Variants in TRPM3 observed in about 807,000 individuals in gnomAD.
TRPM3 encodes long transient receptor potential channel 3.
In TRPM3, 77 loss-of-function variants were observed where a neutral mutation model predicts 181.2. The observed-to-expected ratio is 0.42, with a 90% CI of 0.35 to 0.51. The LOEUF is 0.51. TRPM3 is among the 20% of genes least tolerant of loss of function. The pLI is 0.01. For missense variants in TRPM3, 1,759 were observed against 2,196.7 expected, an observed-to-expected ratio of 0.80 and a Z score of 3.98; for synonymous variants, 745 against 796.4, an observed-to-expected ratio of 0.94 and a Z score of 1.09.
intron 1 of TRPM3, among the ~76,000 whole-genome samples, chr9:71,268,907 T>G (rs57535377): frequency 0.038 from 5,843 of 152,042 alleles, 388 homozygotes; most frequent in African/African-American, 0.13. Flanking sequence ...GCACTAAACT[T>G]TGACAAAGAA....
At chr9:71,017,232 G>T (rs1224946295) in intron 1 of TRPM3, among the ~76,000 whole-genome samples, 1 of 151,872 alleles carries the variant, frequency 6.6e-6, no homozygotes, top group Non-Finnish European at 1.5e-5. Context: ...TTTGGAGAAA[G>T]ATTAACCTTT....
At chr9:71,294,298 A>G (rs1565432598) in intron 1 of TRPM3, among the ~76,000 whole-genome samples, 5 of 152,030 alleles carry the variant, frequency 3.3e-5, no homozygotes, top group Admixed American at 3.3e-4. Flanking sequence ...AAAAACAAAA[A>G]ATCTAATAGA....
intron 1 of TRPM3, among the ~76,000 whole-genome samples, chr9:70,916,126 CT>C (rs751824313): frequency 6.6e-6 from 1 of 152,116 alleles, no homozygotes; most frequent in Non-Finnish European, 1.5e-5. Context: ...AGCTTTCACC[CT>C]AGAATAGTAT....
intron 1 of TRPM3, among the ~76,000 whole-genome samples, chr9:70,999,122 G>A (rs1165832462): frequency 6.6e-6 from 1 of 152,158 alleles, no homozygotes; most frequent in East Asian, 1.9e-4. Flanking sequence ...ATAGAAGAGA[G>A]CACACTGGGA....
chr9:70,760,089 C>T (rs4745035), intron 8 of TRPM3, among the ~76,000 whole-genome samples: 100,113 of 151,866 alleles, frequency 0.66, 34,030 homozygotes, highest in Non-Finnish European at 0.75. Context: ...GCAGAGACCA[C>T]GATTAAACAA....
chr9:71,059,726 C>T (rs1054411292), intron 1 of TRPM3, among the ~76,000 whole-genome samples: 3 of 152,050 alleles, frequency 2.0e-5, no homozygotes, highest in Non-Finnish European at 4.4e-5. Context: ...ACTGAAGCAT[C>T]AATTCCTGTC....
At chr9:71,001,692 A>G (rs777534455) in intron 1 of TRPM3, among the ~76,000 whole-genome samples, 1 of 152,334 alleles carries the variant, frequency 6.6e-6, no homozygotes. Flanking sequence ...CAAAGAGAAA[A>G]TCACTGTAAC....
At chr9:71,337,110 A>G (rs1022363855) in intron 1 of TRPM3, among the ~76,000 whole-genome samples, 1 of 152,210 alleles carries the variant, frequency 6.6e-6, no homozygotes, top group Non-Finnish European at 1.5e-5. Context: ...AATGGGGTCT[A>G]ATTAAACTAA....
chr9:70,561,026 T>C (rs886070255), intron 22 of TRPM3, among the ~76,000 whole-genome samples: 5 of 152,198 alleles, frequency 3.3e-5, no homozygotes, highest in African/African-American at 7.2e-5. Context: ...CTTAAAAATA[T>C]GGCAAAAAAG....
At chr9:71,129,400 AATAG>A (rs1205294750) in intron 1 of TRPM3, among the ~76,000 whole-genome samples, 1 of 152,216 alleles carries the variant, frequency 6.6e-6, no homozygotes, top group Non-Finnish European at 1.5e-5. Context: ...TTATTTTTAA[AATAG>A]ATAGTGGCTA....
chr9:70,554,914 G>T (rs748268073), intron 22 of TRPM3, among the ~76,000 whole-genome samples: 16 of 152,000 alleles, frequency 1.1e-4, no homozygotes, highest in Admixed American at 5.2e-4. Flanking sequence ...TTGCAGTTGT[G>T]GCACTAAACA....
chr9:70,529,580 T>A lies in TRPM3; in HGVS notation c.*6373A>T, dbSNP rs1753233097. The A allele has an allele frequency of 6.6e-6, 1 of 152,152 alleles. No homozygotes were observed. Among genetic ancestry groups the A allele is most frequent in the South Asian group, 2.1e-4 (1 of 4,824 alleles). 9.4% of individuals were successfully genotyped at this position (152,152 alleles called of 1,614,324 possible). A position where few individuals can be genotyped will look rare whatever the true frequency, so the allele number is the denominator to read the frequency against. The stretch of plus-strand genomic sequence containing the variant: ...CATGCTATGGTACTCTTCTTCTGAA[T>A]CTCTCTCACAAAGACTCTGTGTTCA... On this transcript the variant is annotated 3_prime_UTR_variant, in exon 26 of 26. Coordinates refer to ENST00000677713, the MANE Select transcript of TRPM3 (RefSeq NM_001366145.2).
intron 6 of TRPM3, among the ~76,000 whole-genome samples, chr9:70,810,363 G>A (rs577475014): frequency 1.4e-4 from 21 of 145,168 alleles, no homozygotes; most frequent in African/African-American, 5.2e-4. Flanking sequence ...ATGGATACAC[G>A]ATCAGGAGGT....
chr9:71,404,455 T>C (rs1020230219), intron 1 of TRPM3, among the ~76,000 whole-genome samples: 2 of 152,222 alleles, frequency 1.3e-5, no homozygotes, highest in Admixed American at 6.6e-5. Flanking sequence ...TCTCTCTTTT[T>C]TCTATAATTC....
intron 1 of TRPM3, among the ~76,000 whole-genome samples, chr9:71,331,265 T>C (rs1227283669): frequency 1.3e-5 from 2 of 151,918 alleles, no homozygotes; most frequent in Admixed American, 6.6e-5. Context: ...AGTTAGATTG[T>C]GAAATCTGAA....
intron 1 of TRPM3, among the ~76,000 whole-genome samples, chr9:71,017,381 G>T (rs2097793139): frequency 6.6e-6 from 1 of 151,778 alleles, no homozygotes; most frequent in East Asian, 1.9e-4. Flanking sequence ...AAAATTAAAA[G>T]ACCAATATTG....
intron 1 of TRPM3, among the ~76,000 whole-genome samples, chr9:71,136,246 T>TA (rs1225425410): frequency 4.6e-5 from 7 of 152,354 alleles, no homozygotes; most frequent in Admixed American, 1.3e-4. Context: ...ATCAATTATG[T>TA]AGCTAGTGGC....
At chr9:71,406,243 G>C (rs1332931493) in intron 1 of TRPM3, among the ~76,000 whole-genome samples, 2 of 152,182 alleles carry the variant, frequency 1.3e-5, no homozygotes, top group Non-Finnish European at 2.9e-5. Flanking sequence ...TTTGTCAAAT[G>C]AAAGAGTCAA....
At chr9:71,118,365 T>C (rs747995480) in intron 1 of TRPM3, among the ~76,000 whole-genome samples, 9 of 152,218 alleles carry the variant, frequency 5.9e-5, no homozygotes, top group Non-Finnish European at 1.0e-4. Context: ...GTTTAATTCA[T>C]ACTTCAGATA....
Sources: allele counts gnomAD v4.1 joint callset (sites outside exome capture counted in the v4.1 genomes callset), GRCh38; gene constraint gnomAD v4.1.1; transcripts MANE v1.5; gene names NCBI Gene and HGNC (gene_info 2026-07-23, HGNC 2026-07-21).